Variants in NPAS3 observed in about 807,000 individuals in gnomAD.
The protein encoded by NPAS3 is neuronal PAS domain protein 3.
A neutral mutation model predicts 73.1 loss-of-function variants in NPAS3; 14 were observed. The observed-to-expected ratio is 0.19, with a 90% CI of 0.13 to 0.30. The LOEUF is 0.30. Among genes scored for constraint, NPAS3 ranks in the 10% least tolerant of loss-of-function variants. The probability of loss-of-function intolerance (pLI) is 1.00; values close to 1 mark genes in which losing one functional copy is unlikely to be tolerated. For missense variants in NPAS3, 1,096 were observed against 1,250.0 expected, an observed-to-expected ratio of 0.88 and a Z score of 1.86; for synonymous variants, 620 against 541.5, an observed-to-expected ratio of 1.14 and a Z score of -2.01.
intron 1 of NPAS3, among the ~76,000 whole-genome samples, chr14:32,964,580 T>C (rs761836570): frequency 6.6e-5 from 10 of 152,250 alleles, no homozygotes; most frequent in Non-Finnish European, 1.3e-4. Context: ...GAAAAAATTC[T>C]GAAGATTTAA....
intron 1 of NPAS3, among the ~76,000 whole-genome samples, chr14:32,984,360 G>GT (rs1176425128): frequency 6.6e-6 from 1 of 152,172 alleles, no homozygotes; most frequent in African/African-American, 2.4e-5. Context: ...TAGTGCTTCT[G>GT]TAAGGTGAAA....
intron 3 of NPAS3, among the ~76,000 whole-genome samples, chr14:33,318,266 T>C (rs1052258521): frequency 1.3e-5 from 2 of 152,106 alleles, no homozygotes; most frequent in Non-Finnish European, 2.9e-5. Flanking sequence ...CTATATGATT[T>C]TGTCTGTATA....
intron 4 of NPAS3, among the ~76,000 whole-genome samples, chr14:33,518,247 T>G (rs1393271149): frequency 6.6e-6 from 1 of 151,312 alleles, no homozygotes; most frequent in Non-Finnish European, 1.5e-5. Context: ...CATAAATTGA[T>G]GCAGAGGCCC....
At chr14:33,202,366 G>A (rs1320779681) in intron 2 of NPAS3, among the ~76,000 whole-genome samples, 1 of 151,964 alleles carries the variant, frequency 6.6e-6, no homozygotes, top group Non-Finnish European at 1.5e-5. Flanking sequence ...TGGCACCACT[G>A]CACTCCAGCC....
chr14:33,237,235 A>G (rs962466719), intron 3 of NPAS3, among the ~76,000 whole-genome samples: 4 of 152,152 alleles, frequency 2.6e-5, no homozygotes, highest in East Asian at 1.9e-4. Flanking sequence ...GATTTCTGAT[A>G]TTTCATCATG....
intron 2 of NPAS3, among the ~76,000 whole-genome samples, chr14:33,089,572 T>C (rs2042153012): frequency 6.6e-6 from 1 of 152,134 alleles, no homozygotes; most frequent in African/African-American, 2.4e-5. Context: ...TGGAAAACAC[T>C]CTGCAGGATA....
intron 5 of NPAS3, among the ~76,000 whole-genome samples, chr14:33,654,531 CAAAA>C: frequency 6.6e-6 from 1 of 151,886 alleles, no homozygotes; most frequent in East Asian, 1.9e-4. Flanking sequence ...GAAAAATTCC[CAAAA>C]ATTTAGGCTC....
intron 5 of NPAS3, among the ~76,000 whole-genome samples, chr14:33,567,051 T>G (rs2055989596): frequency 6.6e-6 from 1 of 152,222 alleles, no homozygotes; most frequent in South Asian, 2.1e-4. Context: ...AATTTTTCTG[T>G]TGATATGTAT....
At chr14:33,098,785 A>G (rs570465522) in intron 2 of NPAS3, among the ~76,000 whole-genome samples, 2 of 152,380 alleles carry the variant, frequency 1.3e-5, no homozygotes, top group East Asian at 3.9e-4. Context: ...ATTTAGAAAT[A>G]AATCAGTGAA....
intron 2 of NPAS3, among the ~76,000 whole-genome samples, chr14:33,060,394 T>C (rs934389366): frequency 2.6e-5 from 4 of 152,216 alleles, no homozygotes; most frequent in Non-Finnish European, 5.9e-5. Context: ...ATTGAGCACA[T>C]GCTATGCCAT....
chr14:33,552,511 C>T (rs61124842), intron 4 of NPAS3, among the ~76,000 whole-genome samples: 1 of 151,964 alleles, frequency 6.6e-6, no homozygotes, highest in Non-Finnish European at 1.5e-5. Context: ...TTTATGATGT[C>T]CGATAACAAT....
chr14:33,484,240 G>A (rs1566942193), intron 4 of NPAS3, among the ~76,000 whole-genome samples: 2 of 152,156 alleles, frequency 1.3e-5, no homozygotes, highest in Non-Finnish European at 2.9e-5. Context: ...GGAACACCTC[G>A]TGAAAGGTCT....
intron 4 of NPAS3, among the ~76,000 whole-genome samples, chr14:33,488,119 G>A (rs1002556043): frequency 1.3e-5 from 2 of 152,004 alleles, no homozygotes; most frequent in Non-Finnish European, 2.9e-5. Flanking sequence ...TCACTTCTCT[G>A]GGAAAAGAAC....
chr14:33,342,736 T>A (rs1427093317), intron 3 of NPAS3, among the ~76,000 whole-genome samples: 1 of 152,212 alleles, frequency 6.6e-6, no homozygotes, highest in Non-Finnish European at 1.5e-5. Flanking sequence ...TTATAAAGTT[T>A]ATTGCCCCCT....
chr14:33,199,966 C>G (rs1236779852), intron 2 of NPAS3, among the ~76,000 whole-genome samples: 1 of 151,922 alleles, frequency 6.6e-6, no homozygotes, highest in Non-Finnish European at 1.5e-5. Context: ...AAAAACAAAG[C>G]CTTGTTTAGC....
intron 4 of NPAS3, among the ~76,000 whole-genome samples, chr14:33,382,835 G>A (rs1453214729): frequency 1.3e-5 from 2 of 152,144 alleles, no homozygotes; most frequent in Non-Finnish European, 1.5e-5. Flanking sequence ...GATCACACCT[G>A]TAATCTCAGA....
chr14:33,659,901 T>A (rs924311279), intron 5 of NPAS3, among the ~76,000 whole-genome samples: 3 of 152,006 alleles, frequency 2.0e-5, no homozygotes, highest in African/African-American at 7.2e-5. Flanking sequence ...TCCCCAGGTA[T>A]AAAGGAACCA....
At chr14:33,428,249 T>C (rs541863123) in intron 4 of NPAS3, among the ~76,000 whole-genome samples, 1 of 152,234 alleles carries the variant, frequency 6.6e-6, no homozygotes, top group Non-Finnish European at 1.5e-5. Context: ...GGACACATTT[T>C]TTAACTTCTC....
At chr14:33,489,717 A>G (rs1464641314) in intron 4 of NPAS3, among the ~76,000 whole-genome samples, 1 of 152,202 alleles carries the variant, frequency 6.6e-6, no homozygotes, top group Non-Finnish European at 1.5e-5. Context: ...TTCAAGTGCA[A>G]GAAGAGTAAC....
Sources: allele counts gnomAD v4.1 joint callset (sites outside exome capture counted in the v4.1 genomes callset), GRCh38; gene constraint gnomAD v4.1.1; transcripts MANE v1.5; gene names NCBI Gene and HGNC (gene_info 2026-07-23, HGNC 2026-07-21).